Variants in FHIT observed in about 807,000 individuals in gnomAD.
FHIT encodes the protein fragile histidine triad diadenosine triphosphatase, also known as bis(5'-adenosyl)-triphosphatase.
Under a neutral mutation model 17.9 loss-of-function variants are expected in FHIT, and 19 were observed. The observed-to-expected ratio is 1.06, with a 90% CI of 0.74 to 1.56. The LOEUF (loss-of-function observed/expected upper bound fraction) is 1.56. Ranked by LOEUF, FHIT falls within the 40% of genes most tolerant of loss-of-function variation. The pLI is 0.00. For synonymous variants in FHIT, 81 were observed against 69.7 expected (o/e 1.16, Z -0.81); for missense variants, 248 against 189.2 (o/e 1.31, Z -1.82).
chr3:60,578,838 T>C (rs1363659542), intron 4 of FHIT, among the ~76,000 whole-genome samples: 1 of 152,150 alleles, frequency 6.6e-6, no homozygotes, highest in Non-Finnish European at 1.5e-5. Flanking sequence ...ATAGGTACAT[T>C]TCCCAATTTT....
intron 3 of FHIT, 108 bp from the exon 4 acceptor site, chr3:60,822,119 A>T (rs553208688): frequency 3.2e-4 from 48 of 152,314 alleles, no homozygotes; most frequent in African/African-American, 1.2e-3. Flanking sequence ...ATTGCCACAC[A>T]GGTATTGTTA....
intron 5 of FHIT, among the ~76,000 whole-genome samples, chr3:60,098,052 T>C (rs1356624036): frequency 6.6e-6 from 1 of 151,752 alleles, no homozygotes; most frequent in African/African-American, 2.4e-5. Flanking sequence ...AACTGATTAT[T>C]TTTTATGGCT....
At chr3:61,028,946 C>A (rs1047903788) in intron 3 of FHIT, among the ~76,000 whole-genome samples, 1 of 151,620 alleles carries the variant, frequency 6.6e-6, no homozygotes, top group African/African-American at 2.4e-5. Flanking sequence ...CTTAGTAGTC[C>A]TGAGGTAGTA....
chr3:59,938,673 A>T, intron 7 of FHIT, among the ~76,000 whole-genome samples: 1 of 152,234 alleles, frequency 6.6e-6, no homozygotes, highest in East Asian at 1.9e-4. Context: ...ACCATGTTGT[A>T]TACCTCAAAT....
chr3:61,153,392 A>G (rs2037450136), intron 2 of FHIT, among the ~76,000 whole-genome samples: 1 of 152,214 alleles, frequency 6.6e-6, no homozygotes, highest in Non-Finnish European at 1.5e-5. Context: ...AATAGAGGAA[A>G]TACAATTTTT....
intron 5 of FHIT, among the ~76,000 whole-genome samples, chr3:60,216,462 A>G (rs1703702823): frequency 6.6e-6 from 1 of 152,308 alleles, no homozygotes; most frequent in Admixed American, 6.5e-5. Context: ...TAACAGTGAC[A>G]GGTCATGTTC....
chr3:61,226,628 C>T (rs1237263082), intron 1 of FHIT, among the ~76,000 whole-genome samples: 1 of 151,772 alleles, frequency 6.6e-6, no homozygotes, highest in Non-Finnish European at 1.5e-5. Context: ...AGAATGTCAA[C>T]CATTCTTTCT....
At chr3:60,950,644 G>T (rs1165126484) in intron 3 of FHIT, among the ~76,000 whole-genome samples, 1 of 151,856 alleles carries the variant, frequency 6.6e-6, no homozygotes, top group East Asian at 1.9e-4. Context: ...AGTCTCCCAA[G>T]TAGCTGGGAT....
chr3:60,094,764 A>T (rs1035467923), intron 5 of FHIT, among the ~76,000 whole-genome samples: 1 of 149,006 alleles, frequency 6.7e-6, no homozygotes, highest in Admixed American at 6.7e-5. Flanking sequence ...CACCATTTGC[A>T]GGTGAGGGAG....
chr3:60,912,703 A>G (rs1575679656), intron 3 of FHIT: 1 of 506,336 alleles, frequency 2.0e-6, no homozygotes, highest in East Asian at 5.6e-5. Flanking sequence ...GAATCTATGT[A>G]ACAAGCTTTA....
At chr3:59,892,459 T>C (rs894035704) in intron 8 of FHIT, among the ~76,000 whole-genome samples, 16 of 152,226 alleles carry the variant, frequency 1.1e-4, no homozygotes, top group Non-Finnish European at 2.2e-4. Context: ...TGATAAATTA[T>C]TTTGGTCATT....
intron 2 of FHIT, among the ~76,000 whole-genome samples, chr3:61,109,585 T>C (rs1419013590): frequency 6.6e-6 from 1 of 152,176 alleles, no homozygotes; most frequent in Non-Finnish European, 1.5e-5. Flanking sequence ...CCATGTCACG[T>C]TTCCTGTCTC....
intron 7 of FHIT, among the ~76,000 whole-genome samples, chr3:59,952,751 T>G (rs1707184449): frequency 6.6e-6 from 1 of 152,192 alleles, no homozygotes; most frequent in African/African-American, 2.4e-5. Flanking sequence ...AAGCGCTGGT[T>G]CTGCATTTGA....
chr3:59,855,833 T>A (rs1324753991), intron 8 of FHIT, among the ~76,000 whole-genome samples: 1 of 151,328 alleles, frequency 6.6e-6, no homozygotes, highest in East Asian at 1.9e-4. Context: ...CAGTCTGGAG[T>A]GCAGTGGCAC....
At chr3:61,034,724 A>C (rs2033161072) in intron 3 of FHIT, among the ~76,000 whole-genome samples, 1 of 152,174 alleles carries the variant, frequency 6.6e-6, no homozygotes, top group Non-Finnish European at 1.5e-5. Flanking sequence ...ATAGTTTTGT[A>C]GTTTCTCAAA....
Position 60,940,052 on chromosome 3 carries a change from T to C in FHIT, c.-111+101995A>G, listed in dbSNP as rs564503011. On this transcript the variant is annotated intron_variant, in intron 3 of 9. Coordinates refer to ENST00000492590, the MANE Select transcript of FHIT (RefSeq NM_002012.4). ...GATTTTAATCTACATGACTATACCA[T>C]ATGCTAAAAAACCATCCAAACAAAC... is the stretch of plus-strand genomic sequence containing the variant. Among the ~76,000 whole-genome samples, 3 of 152,270 alleles carry C rather than the reference T, an allele frequency of 2.0e-5. No homozygotes were observed. In the East Asian group the frequency reaches 5.8e-4, roughly 29 times the overall value.
At chr3:60,414,428 A>G (rs1186001915) in intron 5 of FHIT, among the ~76,000 whole-genome samples, 1 of 152,168 alleles carries the variant, frequency 6.6e-6, no homozygotes, top group Non-Finnish European at 1.5e-5. Context: ...CTCAGTGACA[A>G]TATCAGTGCC....
intron 8 of FHIT, among the ~76,000 whole-genome samples, chr3:59,801,774 A>G (rs193059522): frequency 2.0e-5 from 3 of 152,230 alleles, no homozygotes; most frequent in African/African-American, 7.2e-5. Context: ...GTAAAGGACC[A>G]GCACTTGAGG....
chr3:60,409,160 T>C (rs1701978077), intron 5 of FHIT, among the ~76,000 whole-genome samples: 2 of 152,204 alleles, frequency 1.3e-5, no homozygotes, highest in Admixed American at 1.3e-4. Context: ...AAGTAAATCA[T>C]AAGCCCAAAG....
Sources: gnomAD v4.1 joint callset for allele counts (sites outside exome capture counted in the v4.1 genomes callset) on GRCh38, gnomAD v4.1.1 for gene constraint, MANE v1.5 for transcripts, NCBI Gene and HGNC (gene_info 2026-07-23, HGNC 2026-07-21) for gene names.